The following ATP8A2 variants were observed in gnomAD, a reference collection of about 807,000 sequenced individuals.
ATP8A2 encodes the protein ATPase phospholipid transporting 8A2.
Under a neutral mutation model 165.6 loss-of-function variants are expected in ATP8A2, and 100 were observed. That is an observed-to-expected ratio of 0.60 (90% CI 0.51 to 0.71). The LOEUF is 0.71. ATP8A2 is among the 30% of genes least tolerant of loss of function. The pLI is 0.00. For missense variants in ATP8A2, 1,227 were observed against 1,479.5 expected, an observed-to-expected ratio of 0.83 and a Z score of 2.80; for synonymous variants, 543 against 548.8, an observed-to-expected ratio of 0.99 and a Z score of 0.15.
At chr13:25,760,889 T>C (rs1173280871) in intron 25 of ATP8A2, among the ~76,000 whole-genome samples, 4 of 152,226 alleles carry the variant, frequency 2.6e-5, no homozygotes, top group East Asian at 1.9e-4. Context: ...ATGATACTTA[T>C]ACCCTGTTAA....
chr13:25,418,236 G>A (rs192676473), intron 1 of ATP8A2, among the ~76,000 whole-genome samples: 226 of 152,224 alleles, frequency 1.5e-3, no homozygotes, highest in African/African-American at 4.2e-3. Flanking sequence ...CCACTGTCCC[G>A]TAATAATGCC....
At chr13:25,466,125 C>G (rs2035661520) in intron 1 of ATP8A2, among the ~76,000 whole-genome samples, 1 of 152,178 alleles carries the variant, frequency 6.6e-6, no homozygotes, top group Admixed American at 6.5e-5. Flanking sequence ...CTTCCTGTGG[C>G]CTCCTGTGAC....
chr13:25,693,282 T>C (rs962587419), intron 24 of ATP8A2, among the ~76,000 whole-genome samples: 2 of 152,208 alleles, frequency 1.3e-5, no homozygotes, highest in Non-Finnish European at 2.9e-5. Flanking sequence ...TAGTAATACC[T>C]TCAATTGGCT....
intron 2 of ATP8A2, among the ~76,000 whole-genome samples, chr13:25,513,783 C>T (rs946476332): frequency 6.6e-6 from 1 of 152,182 alleles, no homozygotes; most frequent in Non-Finnish European, 1.5e-5. Context: ...AGCGAAACCC[C>T]GTCTCCACCA....
intron 33 of ATP8A2, among the ~76,000 whole-genome samples, chr13:25,891,120 A>G (rs372717400): frequency 1.3e-4 from 20 of 152,266 alleles, no homozygotes; most frequent in African/African-American, 4.8e-4. Flanking sequence ...TGCAAGCTAC[A>G]TTGTCCCCTA....
intron 24 of ATP8A2, among the ~76,000 whole-genome samples, chr13:25,630,798 C>G (rs1168411594): frequency 6.6e-6 from 1 of 151,978 alleles, no homozygotes; most frequent in African/African-American, 2.4e-5. Context: ...TTTTCTGTTA[C>G]TACTCTGGAC....
chr13:25,704,526 G>A (rs897226167), intron 25 of ATP8A2, among the ~76,000 whole-genome samples: 69 of 151,844 alleles, frequency 4.5e-4, no homozygotes, highest in African/African-American at 1.5e-3. Context: ...TATAGAGATG[G>A]AGGCTTGCTA....
At chr13:25,866,154 C>A (rs549118940) in intron 33 of ATP8A2, among the ~76,000 whole-genome samples, 1 of 152,190 alleles carries the variant, frequency 6.6e-6, no homozygotes, top group Non-Finnish European at 1.5e-5. Flanking sequence ...GCACTTCTGA[C>A]TTTAGTAGTG....
intron 25 of ATP8A2, among the ~76,000 whole-genome samples, chr13:25,745,335 C>T (rs2044007504): frequency 6.6e-6 from 1 of 152,204 alleles, no homozygotes; most frequent in Non-Finnish European, 1.5e-5. Flanking sequence ...CTGAAGCTGA[C>T]ATGACAAGCC....
intron 1 of ATP8A2, among the ~76,000 whole-genome samples, chr13:25,415,749 C>G (rs771093184): frequency 8.5e-5 from 13 of 152,168 alleles, no homozygotes; most frequent in Non-Finnish European, 1.8e-4. Flanking sequence ...ATTATCTGAT[C>G]AAATGTCACC....
At chr13:25,875,162 T>G (rs993904362) in intron 33 of ATP8A2, among the ~76,000 whole-genome samples, 4 of 152,054 alleles carry the variant, frequency 2.6e-5, no homozygotes, top group Non-Finnish European at 5.9e-5. Flanking sequence ...GAAAACGTTT[T>G]AGAGAGCCGT....
chr13:25,716,838 A>G (rs933534180), intron 25 of ATP8A2, among the ~76,000 whole-genome samples: 3 of 152,152 alleles, frequency 2.0e-5, no homozygotes, highest in Admixed American at 1.3e-4. Context: ...AGGAAAGAGG[A>G]AAAAGAAGCA....
chr13:25,430,785 A>T (rs1425310743), intron 1 of ATP8A2, among the ~76,000 whole-genome samples: 2 of 151,930 alleles, frequency 1.3e-5, no homozygotes. Flanking sequence ...TTTAGTAGAG[A>T]CAGGGTTTCA....
intron 15 of ATP8A2, 137 bp downstream of exon 15, chr13:25,559,902 A>T (rs2039090837): frequency 1.6e-6 from 1 of 631,260 alleles, no homozygotes; most frequent in African/African-American, 1.9e-5. Context: ...GTCATAGCTC[A>T]CTGTAGTCAC....
At chr13:25,446,552 T>A (rs1335531088) in intron 1 of ATP8A2, among the ~76,000 whole-genome samples, 2 of 54,742 alleles carry the variant, frequency 3.7e-5, no homozygotes, top group Non-Finnish European at 1.2e-4. Flanking sequence ...GTACATTGAG[T>A]TTTTTGTTCA....
chr13:25,622,582 T>C (rs972604438), intron 24 of ATP8A2, among the ~76,000 whole-genome samples: 5 of 152,138 alleles, frequency 3.3e-5, no homozygotes, highest in Non-Finnish European at 7.4e-5. Context: ...AAATCCGAAA[T>C]GCCCCAAAAC....
At chr13:25,666,896 G>T (rs9511867) in intron 24 of ATP8A2, among the ~76,000 whole-genome samples, 37,221 of 152,074 alleles carry the variant, frequency 0.24, 5,000 homozygotes, top group South Asian at 0.45. Flanking sequence ...GTTCTTAAAA[G>T]AAATAAGTGT....
intron 25 of ATP8A2, among the ~76,000 whole-genome samples, chr13:25,727,607 G>C (rs1015357664): frequency 1.9e-4 from 29 of 152,126 alleles, no homozygotes; most frequent in East Asian, 3.9e-4. Flanking sequence ...AACACACCAG[G>C]GACCAGTAAT....
intron 25 of ATP8A2, among the ~76,000 whole-genome samples, chr13:25,699,900 A>ATG (rs1359139038): frequency 2.1e-5 from 3 of 142,136 alleles, no homozygotes; most frequent in East Asian, 2.2e-4. Flanking sequence ...GCTGCTGGCT[A>ATG]TGTGGAGGTC....
Sources: allele counts gnomAD v4.1 joint callset (sites outside exome capture counted in the v4.1 genomes callset), GRCh38; gene constraint gnomAD v4.1.1; transcripts MANE v1.5; gene names NCBI Gene and HGNC (gene_info 2026-07-23, HGNC 2026-07-21).